The following DRC4 variants were observed in gnomAD, a reference collection of about 807,000 sequenced individuals.
DRC4 encodes dynein regulatory complex subunit 4.
At chr16:90,036,947 C>G in the DRC4 span, 1 of 556,388 alleles carries the variant, frequency 1.8e-6, no homozygotes, top group Non-Finnish European at 3.2e-6. Flanking sequence ...ATCGTCACTG[C>G]ATGCTGGCAG....
chr16:90,035,911 A>G, the DRC4 span: 2 of 1,443,380 alleles, frequency 1.4e-6, no homozygotes, highest in East Asian at 5.0e-5. Flanking sequence ...TACCACACAC[A>G]TTCCCACTCC....
the DRC4 span, chr16:90,039,999 A>T: frequency 2.3e-6 from 1 of 427,050 alleles, no homozygotes; most frequent in African/African-American, 2.0e-5. Flanking sequence ...GCCACCCATG[A>T]AGCAGCTTTC....
chr16:90,040,313 G>C, the DRC4 span: 3 of 1,588,274 alleles, frequency 1.9e-6, no homozygotes, highest in Admixed American at 1.8e-5. Context: ...CAGCAGGAGC[G>C]GGACGAGCTC....
chr16:90,024,953 G>T, the DRC4 span, among the ~76,000 whole-genome samples: 1 of 151,922 alleles, frequency 6.6e-6, no homozygotes, highest in African/African-American at 2.4e-5. Context: ...AGGAATATGG[G>T]TGATATTTCT....
At chr16:90,038,504 C>T in the DRC4 span, among the ~76,000 whole-genome samples, 4 of 152,202 alleles carry the variant, frequency 2.6e-5, no homozygotes, top group Admixed American at 1.3e-4. Context: ...AGCATTGCTG[C>T]CTCAATCCTT....
the DRC4 span, chr16:90,040,222 G>A: frequency 7.2e-6 from 10 of 1,382,216 alleles, no homozygotes; most frequent in South Asian, 1.2e-4. Flanking sequence ...CAGGTGCAGA[G>A]GTGGGAGGCA....
chr16:90,036,915 C>T, the DRC4 span: 1 of 553,612 alleles, frequency 1.8e-6, no homozygotes, highest in Non-Finnish European at 3.2e-6. Flanking sequence ...TAGTCACTGC[C>T]TGCGACAGGT....
At chr16:90,024,570 C>T in the DRC4 span, among the ~76,000 whole-genome samples, 3 of 152,300 alleles carry the variant, frequency 2.0e-5, no homozygotes, top group East Asian at 5.8e-4. Context: ...GAATCAGGGT[C>T]TTCACAATGC....
At chr16:90,042,266 A>AGCTCC in the DRC4 span, 1 of 620,238 alleles carries the variant, frequency 1.6e-6, no homozygotes, top group African/African-American at 1.8e-5. Flanking sequence ...AGGTTGTGCA[A>AGCTCC]GCTCCCAGTT....
chr16:90,041,312 C>A, the DRC4 span, among the ~76,000 whole-genome samples: 1 of 152,182 alleles, frequency 6.6e-6, no homozygotes, highest in African/African-American at 2.4e-5. Flanking sequence ...CAGAGGCCCC[C>A]GCAGGGACAC....
At chr16:90,020,191 C>G in the DRC4 span, 5 of 500,098 alleles carry the variant, frequency 1.0e-5, no homozygotes, top group South Asian at 2.8e-5. Context: ...CAAAGAAAGT[C>G]CGTTTGCAGG....
chr16:90,040,994 C>T, the DRC4 span, among the ~76,000 whole-genome samples: 14 of 152,208 alleles, frequency 9.2e-5, no homozygotes, highest in East Asian at 3.9e-4. Flanking sequence ...ACTGTGGCCC[C>T]GGGACTGAAA....
At chr16:90,035,705 T>C in the DRC4 span, 1 of 1,614,032 alleles carries the variant, frequency 6.2e-7, no homozygotes. Flanking sequence ...TCCCGTGTGC[T>C]CATTGTGTAG....
At chr16:90,027,621 T>C in the DRC4 span, 1 of 1,613,660 alleles carries the variant, frequency 6.2e-7, no homozygotes, top group South Asian at 1.1e-5. Flanking sequence ...TCTTACCCCA[T>C]TATTTCCACC....
chr16:90,038,306 G>A, the DRC4 span, among the ~76,000 whole-genome samples: 5 of 152,170 alleles, frequency 3.3e-5, no homozygotes, highest in Admixed American at 6.5e-5. Flanking sequence ...ATGCTCTCGT[G>A]TGGATGTGAC....
the DRC4 span, chr16:90,020,046 T>G: frequency 1.5e-6 from 1 of 689,248 alleles, no homozygotes; most frequent in Non-Finnish European, 2.7e-6. Context: ...TCGCCCAGAT[T>G]CAGCGATTGC....
chr16:90,031,113 A>C, the DRC4 span: 1 of 1,347,818 alleles, frequency 7.4e-7, no homozygotes, highest in South Asian at 1.4e-5. Context: ...GAATTCTGCC[A>C]CCTGCTGAAT....
the DRC4 span, among the ~76,000 whole-genome samples, chr16:90,028,344 C>G: frequency 1.3e-5 from 2 of 151,824 alleles, no homozygotes; most frequent in Non-Finnish European, 2.9e-5. Context: ...GCCACCACGC[C>G]TGGCTAATTT....
At chr16:90,029,644 CCTT>C in the DRC4 span, 32,580 of 218,374 alleles carry the variant, frequency 0.15, 3,825 homozygotes, top group East Asian at 0.62. Context: ...TCCTGCTGCT[CCTT>C]CTTGTTTGCT....
Sources: gnomAD v4.1 joint callset for allele counts (sites outside exome capture counted in the v4.1 genomes callset) on GRCh38, gnomAD v4.1.1 for gene constraint, MANE v1.5 for transcripts, NCBI Gene and HGNC (gene_info 2026-07-23, HGNC 2026-07-21) for gene names.